CXXC5: variants seen among roughly 807,000 people sequenced by gnomAD.
The protein encoded by CXXC5 is CXXC-type zinc finger protein 5.
CXXC5 carries 2 observed loss-of-function variants against 17.6 expected under a neutral mutation model. That is an observed-to-expected ratio of 0.11 (90% CI 0.05 to 0.36). The LOEUF (loss-of-function observed/expected upper bound fraction) is 0.36. CXXC5 is among the 10% of genes least tolerant of loss of function. CXXC5 has a pLI of 1.00. For synonymous variants in CXXC5, 171 were observed against 193.0 expected (o/e 0.89, Z 0.94); for missense variants, 343 against 458.3 (o/e 0.75, Z 2.30).
In CXXC5 at chr5:139,663,620, G is replaced by A. The variant is rs971004614; in HGVS notation, c.-161+14775G>A. ...CTTTGTATTTGGGGCTGGGGAAACT[G>A]AGGCATGAAGGATTGCCTCAGAGCT... On this transcript the variant is annotated intron_variant, in intron 1 of 2. Transcript: ENST00000302517. This position sits in a 1 kb window ranked among gnomAD's most constrained non-coding sequence, Gnocchi z 4.2. Among the ~76,000 whole-genome samples the A allele has an allele frequency of 6.6e-6, 1 of 152,162 alleles. No individual in the cohort carries two copies. Among genetic ancestry groups the A allele is most frequent in the East Asian group, 1.9e-4 (1 of 5,196 alleles).
rs1755921646 is a variant in CXXC5, at chr5:139,663,286, A to G, written c.-161+14441A>G. 1.3e-5 allele frequency among the ~76,000 whole-genome samples: 2 copies of G among 152,152 alleles called. No homozygotes were observed. Among genetic ancestry groups the G allele is most frequent in the Admixed American group, 6.5e-5 (1 of 15,286 alleles). Reference sequence around the variant, plus strand: ...CCCCCTATGCTCACACAGCAAGGCTATATGTTAGACTTGAGCAGGGACTTC... The same window carrying G: ...CCCCCTATGCTCACACAGCAAGGCTGTATGTTAGACTTGAGCAGGGACTTC... On this transcript the variant is annotated intron_variant, in intron 1 of 2. Coordinates refer to ENST00000302517, the MANE Select transcript of CXXC5 (RefSeq NM_016463.9). This position sits in a 1 kb window ranked among gnomAD's most constrained non-coding sequence, Gnocchi z 4.2.
intron 1 of CXXC5, chr5:139,679,550 T>C (rs1391091628): frequency 6.6e-6 from 1 of 152,194 alleles, no homozygotes; most frequent in Admixed American, 6.5e-5. Context: ...TGATGTGTAT[T>C]AGTAATCCCC....
At chr5:139,669,717 TAC>T (rs1188339667) in intron 1 of CXXC5, among the ~76,000 whole-genome samples, 1 of 152,074 alleles carries the variant, frequency 6.6e-6, no homozygotes, top group East Asian at 1.9e-4. Flanking sequence ...ACTTCCCTTC[TAC>T]ACACACACTC....
rs371426324 is a variant in CXXC5 at position 139,680,721 on chromosome 5, T to C, written c.198T>C (p.Ser66=). The C allele has an allele frequency of 3.3e-5, 53 of 1,613,334 alleles. No homozygotes were observed. In the African/African-American group the frequency reaches 6.5e-4, roughly 20 times the overall value. ...PERRNKSGII[S]EPLNKSLRRS... is the part of the protein sequence containing the mutation. Reference sequence around the variant, plus strand: ...GTCGGAACAAGAGCGGTATCATCAGTGAGCCCCTCAACAAGAGCCTGCGCC... The same window carrying C: ...GTCGGAACAAGAGCGGTATCATCAGCGAGCCCCTCAACAAGAGCCTGCGCC... The change falls in exon 2 of 3, where the codon AGT becomes AGC. Residue 66 remains serine, a synonymous_variant. Transcript: ENST00000302517.
chr5:139,657,341 A>G (rs190829365), intron 1 of CXXC5, among the ~76,000 whole-genome samples: 2 of 152,214 alleles, frequency 1.3e-5, no homozygotes, highest in South Asian at 2.1e-4. Flanking sequence ...TCTGGCACAC[A>G]GAAGGGACTC....
At chr5:139,655,744 T>G (rs1347401628) in intron 1 of CXXC5, among the ~76,000 whole-genome samples, 1 of 62,116 alleles carries the variant, frequency 1.6e-5, no homozygotes, top group African/African-American at 6.3e-5. Flanking sequence ...TGTCCACCCC[T>G]TCCTGCCCCC....
At position 139,661,528 on chromosome 5, in the gene CXXC5, A is replaced by G. The variant is rs1370642515; in HGVS notation, c.-161+12683A>G. ...CCAGCCACAGCCCAGCCTCTGGCAC[A>G]CACACCCACTGGCACGTACCTAGGC... On this transcript the variant is annotated intron_variant, in intron 1 of 2. Transcript: ENST00000302517. The surrounding 1 kb of genome is among the most constrained non-coding windows in gnomAD (Gnocchi z 4.7). Among the ~76,000 whole-genome samples, 3 of 152,206 alleles carry G rather than the reference A, an allele frequency of 2.0e-5. No individual in the cohort carries two copies. The highest frequency in any genetic ancestry group is 4.4e-5 in the Non-Finnish European group (3 of 68,034).
At chr5:139,673,840 A>C (rs1756622611) in intron 1 of CXXC5, among the ~76,000 whole-genome samples, 1 of 111,450 alleles carries the variant, frequency 9.0e-6, no homozygotes, top group Non-Finnish European at 1.9e-5. Flanking sequence ...GACTCTTGTC[A>C]AAAAAAAAAA....
chr5:139,668,461 C>T lies in CXXC5; in HGVS notation c.-160-11903C>T, dbSNP rs1333840701. The stretch of plus-strand genomic sequence containing the variant: ...AGGCCGACTAATTAGGCCCGGCTAC[C>T]TCCCGCGCCGCCCACTGCCCGCTCC... On this transcript the variant is annotated intron_variant, in intron 1 of 2. Coordinates refer to ENST00000302517, the MANE Select transcript of CXXC5 (RefSeq NM_016463.9). The surrounding 1 kb of genome is among the most constrained non-coding windows in gnomAD (Gnocchi z 4.1). Among the ~76,000 whole-genome samples the T allele has an allele frequency of 6.6e-6, 1 of 152,090 alleles. No homozygotes were observed. Among genetic ancestry groups the T allele is most frequent in the Non-Finnish European group, 1.5e-5 (1 of 67,986 alleles).
At chr5:139,653,007 G>C (rs1755293537) in intron 1 of CXXC5, among the ~76,000 whole-genome samples, 1 of 152,140 alleles carries the variant, frequency 6.6e-6, no homozygotes, top group Admixed American at 6.5e-5. Flanking sequence ...TTCTCTTTCT[G>C]TATCTCCGTC....
intron 1 of CXXC5, among the ~76,000 whole-genome samples, chr5:139,677,087 G>A (rs1400149640): frequency 1.3e-5 from 2 of 151,912 alleles, no homozygotes; most frequent in Non-Finnish European, 2.9e-5. Context: ...GACCGCGGCT[G>A]GCGGGGCGGC....
chr5:139,660,155 G>GC (rs1459065880), intron 1 of CXXC5, among the ~76,000 whole-genome samples: 2 of 152,348 alleles, frequency 1.3e-5, no homozygotes, highest in African/African-American at 4.8e-5. Flanking sequence ...TCCTGCCTGT[G>GC]CCAGTGCAGT....
chr5:139,654,081 C>T (rs1462476918), intron 1 of CXXC5, among the ~76,000 whole-genome samples: 1 of 152,134 alleles, frequency 6.6e-6, no homozygotes, highest in Non-Finnish European at 1.5e-5. Flanking sequence ...ATCACTCTAG[C>T]CAGGACCCTA....
intron 1 of CXXC5, among the ~76,000 whole-genome samples, chr5:139,678,638 C>T (rs1177111423): frequency 1.3e-5 from 2 of 152,200 alleles, no homozygotes; most frequent in East Asian, 3.8e-4. Flanking sequence ...GCCCCCCCTC[C>T]CCCCCGCTTG....
At chr5:139,666,578 T>C (rs897212618) in intron 1 of CXXC5, among the ~76,000 whole-genome samples, 8 of 152,204 alleles carry the variant, frequency 5.3e-5, no homozygotes, top group Admixed American at 6.5e-5. Context: ...AGGTCAGGGA[T>C]ACTGAGCCAC....
intron 1 of CXXC5, among the ~76,000 whole-genome samples, chr5:139,666,584 G>A (rs1220138301): frequency 3.3e-5 from 5 of 152,344 alleles, no homozygotes; most frequent in Admixed American, 2.6e-4. Flanking sequence ...GGGATACTGA[G>A]CCACAAAGAG....
At chr5:139,671,425 C>G (rs1756460975) in intron 1 of CXXC5, among the ~76,000 whole-genome samples, 1 of 152,216 alleles carries the variant, frequency 6.6e-6, no homozygotes, top group African/African-American at 2.4e-5. Context: ...GCTGTGACTG[C>G]CCCCGGGAGA....
chr5:139,680,643 G>A lies in CXXC5; in HGVS notation c.120G>A (p.Val40=). ...CAGGAGCAGCAGACAAGAGTGCAGT[G>A]GTGGCTGCCGCCGCACCAGCCTCAG... The part of the protein sequence containing the change: ...PKAGAADKSA[V]VAAAAPASVA... The change falls in exon 2 of 3, where the codon GTG becomes GTA. Residue 40 remains valine (V), a synonymous_variant. Transcript: ENST00000302517. 1 of 1,611,722 alleles carries A rather than the reference G, an allele frequency of 6.2e-7. No homozygotes were observed. Among genetic ancestry groups the A allele is most frequent in the Non-Finnish European group, 8.5e-7 (1 of 1,179,732 alleles).
At chr5:139,659,066 TG>T (rs2126758076) in intron 1 of CXXC5, among the ~76,000 whole-genome samples, 1 of 152,296 alleles carries the variant, frequency 6.6e-6, no homozygotes, top group Admixed American at 6.5e-5. Context: ...GGGGGATGCG[TG>T]GCTCTCTGGG....
Sources: allele counts gnomAD v4.1 joint callset (sites outside exome capture counted in the v4.1 genomes callset), GRCh38; gene constraint gnomAD v4.1.1; non-coding constraint Gnocchi (gnomAD v3.1); transcripts MANE v1.5; gene names NCBI Gene and HGNC (gene_info 2026-07-23, HGNC 2026-07-21).